Variants in ADAMTS7 observed in about 807,000 individuals in gnomAD.
ADAMTS7 encodes ADAM metallopeptidase with thrombospondin type 1 motif 7, also known as A disintegrin and metalloproteinase with thrombospondin motifs 7.
ADAMTS7 carries 89 observed loss-of-function variants against 172.6 expected under a neutral mutation model. The ratio of observed to expected loss-of-function variants is 0.52; its 90% CI spans 0.43 to 0.61. The LOEUF is 0.61. Ranked by LOEUF, ADAMTS7 falls within the 20% of genes least tolerant of loss-of-function variation. The probability of loss-of-function intolerance (pLI) is 0.00; values close to 1 mark genes in which losing one functional copy is unlikely to be tolerated. For synonymous variants in ADAMTS7, 885 were observed against 978.4 expected (o/e 0.90, Z 1.78); for missense variants, 1,973 against 2,355.6 (o/e 0.84, Z 3.36).
intron 23 of ADAMTS7, chr15:78,761,859 C>T (rs1596168893): frequency 1.0e-6 from 1 of 985,376 alleles, no homozygotes; most frequent in Middle Eastern, 5.2e-4. Context: ...AAACCCCCCA[C>T]CACTGGGATT....
intron 6 of ADAMTS7, among the ~76,000 whole-genome samples, chr15:78,790,346 G>C (rs2055561520): frequency 6.6e-6 from 1 of 152,186 alleles, no homozygotes; most frequent in Non-Finnish European, 1.5e-5. Flanking sequence ...ATCTGAGTAA[G>C]TCTGTGGATG....
At chr15:78,793,174 G>A (rs1409241593) in intron 4 of ADAMTS7, among the ~76,000 whole-genome samples, 3 of 152,082 alleles carry the variant, frequency 2.0e-5, no homozygotes, top group African/African-American at 4.8e-5. Context: ...TTACAAATGA[G>A]GTAAGTGAAG....
chr15:78,785,288 C>T (rs1337694271), intron 8 of ADAMTS7, among the ~76,000 whole-genome samples: 1 of 152,158 alleles, frequency 6.6e-6, no homozygotes, highest in Non-Finnish European at 1.5e-5. Context: ...CAGTGGCTCT[C>T]ATCTGTAATC....
rs778195626 is a variant in ADAMTS7 at position 78,789,882 on chromosome 15, G to T, written c.1029-44C>A. The stretch of plus-strand genomic sequence containing the variant: ...AGCCTTCAGGCTAACCTGGCCCAGT[G>T]CCAGGCCCACCTGAGCTAAGGCCAG... On this transcript the variant is annotated intron_variant, in intron 6 of 23. Transcript: ENST00000388820. 1.7e-5 allele frequency: 27 copies of T among 1,544,632 alleles called. No homozygotes were observed. The South Asian group carries it at 3.2e-4, about 18-fold the overall frequency.
chr15:78,788,669 C>A (rs2055539233), intron 7 of ADAMTS7, among the ~76,000 whole-genome samples: 1 of 152,260 alleles, frequency 6.6e-6, no homozygotes, highest in Admixed American at 6.5e-5. Context: ...AATGGCAAAT[C>A]AGGTGGCACA....
intron 1 of ADAMTS7, among the ~76,000 whole-genome samples, chr15:78,806,086 CCAA>C (rs1422398775): frequency 2.0e-4 from 20 of 100,482 alleles, no homozygotes; most frequent in Non-Finnish European, 3.0e-4. Flanking sequence ...ACTCCCCCCC[CCAA>C]AAACACACAC....
rs778634930 is a variant in ADAMTS7, at chr15:78,766,503, C to G, written c.3408G>C (p.Gln1136His). The G allele has an allele frequency of 2.5e-6, 4 of 1,577,342 alleles. No individual in the cohort carries two copies. In the Admixed American group the frequency reaches 7.2e-5, roughly 28 times the overall value. The change falls in exon 19 of 24, where the codon CAG (glutamine) becomes CAC (histidine). Residue 1136 changes from glutamine to histidine, a missense_variant. Gln to His is a conservative substitution (Grantham distance 24, BLOSUM62 0). This residue lies in a region of ADAMTS7 where 771 missense variants were observed against 952.6 expected (regional missense o/e 0.81). Transcript: ENST00000388820. ...GPWSPSPWPS[Q>H]AGRSPPPPSE... Reference sequence around the variant, plus strand: ...AGGGTGGGGGTGGGGAGCGGCCGGCCTGGCTAGGCCAAGGGCTCGGGGACC... The same window carrying G: ...AGGGTGGGGGTGGGGAGCGGCCGGCGTGGCTAGGCCAAGGGCTCGGGGACC...
In ADAMTS7 at chr15:78,766,289, G is replaced by A. The variant is rs757250479; in HGVS notation, c.3622C>T (p.Pro1208Ser). Residue 1208 changes from proline (P) to serine (S), a missense_variant, in exon 19 of 24, where the codon CCT (proline) becomes TCT (serine). Coordinates refer to ENST00000388820, the MANE Select transcript of ADAMTS7 (RefSeq NM_014272.5). The part of the protein sequence containing the change: ...VGKDSQSQLP[P>S]PWRDRTNEVF... ...TCATTGGTCCTGTCCCGCCATGGAG[G>A]GGGCAGCTGGCTCTGGCTGTCCTTG... The A allele has an allele frequency of 3.6e-5, 58 of 1,611,560 alleles. No individual in the cohort carries two copies. The highest frequency in any genetic ancestry group is 5.0e-5 in the Admixed American group (3 of 60,014).
rs190439626 is a variant in ADAMTS7, at chr15:78,778,141, C to T, written c.1323-553G>A. On this transcript the variant is annotated intron_variant, in intron 8 of 23. Coordinates refer to ENST00000388820, the MANE Select transcript of ADAMTS7 (RefSeq NM_014272.5). ...CCCACACCCCGACAGGGCTGGCCTC[C>T]GGCCTCTGTCATACCCTATCTACTC... Among the ~76,000 whole-genome samples the T allele has an allele frequency of 1.8e-3, 279 of 152,356 alleles. 2 individuals are homozygous for T. The highest frequency in any genetic ancestry group is 1.1e-3 in the Non-Finnish European group (75 of 68,028).
intron 1 of ADAMTS7, among the ~76,000 whole-genome samples, chr15:78,810,278 A>T (rs975765872): frequency 6.6e-6 from 1 of 152,192 alleles, no homozygotes; most frequent in Non-Finnish European, 1.5e-5. Flanking sequence ...GCTCTATTGC[A>T]GGACTCTCCC....
Position 78,763,812 on chromosome 15 carries a change from G to A in ADAMTS7, c.4627C>T (p.Arg1543Cys), listed in dbSNP as rs778532019. ...SEACGGGEQQ[R>C]LVTCPEPGLC... is the part of the protein sequence containing the mutation. ...CCTGGCTCCGGGCAGGTCACTAGAC[G>A]CTGCTGCTCACCACCGCCACAGGCC... The change falls in exon 22 of 24, where the codon CGT (arginine) becomes TGT (cysteine). Residue 1543 changes from arginine to cysteine, a missense_variant. Arg to Cys is a radical substitution (Grantham distance 180). Around this residue, in one of 8 missense-constraint regions of ADAMTS7, gnomAD observed 218 missense variants for 216.9 expected, o/e 1.01. Coordinates refer to ENST00000388820, the MANE Select transcript of ADAMTS7 (RefSeq NM_014272.5). The A allele has an allele frequency of 4.4e-6, 7 of 1,581,976 alleles. 1 individual carries two copies. Among genetic ancestry groups the A allele is most frequent in the South Asian group, 3.4e-5 (3 of 87,698 alleles).
chr15:78,796,261 G>A (rs1202477081), intron 4 of ADAMTS7, among the ~76,000 whole-genome samples: 1 of 152,160 alleles, frequency 6.6e-6, no homozygotes, highest in East Asian at 1.9e-4. Flanking sequence ...TCTGTGCAGG[G>A]AAACATGAAG....
chr15:78,791,252 T>C (rs1263129756), intron 4 of ADAMTS7, 29 bp from the exon 5 acceptor site: 1 of 1,598,412 alleles, frequency 6.3e-7, no homozygotes, highest in East Asian at 2.2e-5. Context: ...GGTCAGGTTG[T>C]CACGAGGATG....
At position 78,766,883 on chromosome 15, in the gene ADAMTS7, A is replaced by T. The variant is rs765543393; in HGVS notation, c.3028T>A (p.Ser1010Thr). 3.7e-6 allele frequency: 6 copies of T among 1,609,236 alleles called. No individual in the cohort carries two copies. The South Asian group carries it at 6.6e-5, about 18-fold the overall frequency. Reference protein sequence around the residue: ...TLGPEGSGSGSSSHELFNEAD... With the variant: ...TLGPEGSGSGTSSHELFNEAD... ...TCGTTGAAGAGCTCGTGGCTGGAGGAGCCGCTGCCTGAGCCTTCAGGGCCC... is the reference window on the plus strand; with the variant it reads ...TCGTTGAAGAGCTCGTGGCTGGAGGTGCCGCTGCCTGAGCCTTCAGGGCCC... Residue 1010 changes from serine to threonine, a missense_variant, in exon 19 of 24, where the codon TCC becomes ACC. Physicochemically the swap from Ser to Thr is moderately conservative, Grantham distance 58 (BLOSUM62 1). Transcript: ENST00000388820.
rs752593005 is a variant in ADAMTS7, at chr15:78,767,504, C to T, written c.2734G>A (p.Gly912Arg). The change falls in exon 18 of 24, where the codon GGG (glycine) becomes AGG (arginine). Residue 912 changes from glycine (G) to arginine (R), a missense_variant. By Grantham distance (125) the Gly-to-Arg change is moderately radical. Transcript: ENST00000388820. ...TCCAGGGCGCTCTGCTCATCCAGCC[C>T]CACGCTGCGGATGCAGAGCACGGCC... ...RRAVLCIRSV[G>R]LDEQSALEPP... The T allele has an allele frequency of 9.9e-6, 16 of 1,609,110 alleles. No homozygotes were observed. Among genetic ancestry groups the T allele is most frequent in the Non-Finnish European group, 1.4e-5 (16 of 1,178,944 alleles).
intron 7 of ADAMTS7, 65 bp downstream of exon 7, chr15:78,789,624 C>T (rs1018562674): frequency 1.6e-5 from 25 of 1,588,756 alleles, no homozygotes; most frequent in South Asian, 2.3e-5. Context: ...GCTGGATACC[C>T]GGTGCCCCCA....
chr15:78,782,822 A>T (rs1462432009), intron 8 of ADAMTS7, among the ~76,000 whole-genome samples: 2 of 151,980 alleles, frequency 1.3e-5, no homozygotes, highest in African/African-American at 4.8e-5. Flanking sequence ...GTAAGAACCG[A>T]TCAGACCCTA....
At chr15:78,764,995 C>G (rs2055116715) in intron 19 of ADAMTS7, 2 of 345,256 alleles carry the variant, frequency 5.8e-6, no homozygotes, top group South Asian at 2.1e-4. Context: ...CTGTGGGCAC[C>G]CCGACCAGCT....
intron 1 of ADAMTS7, 61 bp from the exon 2 acceptor site, chr15:78,800,608 C>T: frequency 6.6e-7 from 1 of 1,518,230 alleles, no homozygotes; most frequent in Non-Finnish European, 8.9e-7. Context: ...TGCTGGTGGC[C>T]GGGGACCAGA....
Sources: gnomAD v4.1 joint callset for allele counts (sites outside exome capture counted in the v4.1 genomes callset) on GRCh38, gnomAD v4.1.1 for gene constraint, gnomAD v4.1.1 regional missense constraint, MANE v1.5 for transcripts, NCBI Gene and HGNC (gene_info 2026-07-23, HGNC 2026-07-21) for gene names.